The following RAD51B variants were observed in gnomAD, a reference collection of about 807,000 sequenced individuals.
RAD51B encodes the protein DNA repair protein RAD51 homolog 2.
A neutral mutation model predicts 42.2 loss-of-function variants in RAD51B; 38 were observed. That is an observed-to-expected ratio of 0.90 (90% CI 0.70 to 1.18). RAD51B has a LOEUF of 1.18. Ranked by LOEUF, RAD51B falls within the 50% of genes most tolerant of loss-of-function variation. The probability of loss-of-function intolerance (pLI) is 0.00; values close to 1 mark genes in which losing one functional copy is unlikely to be tolerated. For synonymous variants in RAD51B, 154 were observed against 145.2 expected (o/e 1.06, Z -0.43); for missense variants, 373 against 400.7 (o/e 0.93, Z 0.59).
chr14:68,539,698 A>G (rs1887848664), intron 10 of RAD51B, among the ~76,000 whole-genome samples: 1 of 152,246 alleles, frequency 6.6e-6, no homozygotes, highest in South Asian at 2.1e-4. Context: ...TGGCCCATGA[A>G]TGGGGCCATG....
chr14:67,823,606 A>C lies in RAD51B; in HGVS notation c.63A>C (p.Arg21Ser). 2.5e-6 allele frequency: 4 copies of C among 1,613,294 alleles called. No individual in the cohort carries two copies. Among genetic ancestry groups the C allele is most frequent in the Non-Finnish European group, 3.4e-6 (4 of 1,179,674 alleles). The change falls in exon 2 of 11, where the codon AGA (arginine) becomes AGC (serine). Residue 21 changes from arginine (R) to serine (S), a missense_variant. Coordinates refer to ENST00000471583, the MANE Select transcript of RAD51B (RefSeq NM_133510.4). ...LSQELCDRLSRHQILTCQDFL... is the reference protein window; with the variant it reads ...LSQELCDRLSSHQILTCQDFL... ...AAGAGCTGTGTGACCGTCTGAGTAG[A>C]CATCAGATCCTTACCTGTCAGGTAA...
At chr14:68,302,931 A>G (rs2081776337) in intron 8 of RAD51B, among the ~76,000 whole-genome samples, 4 of 152,208 alleles carry the variant, frequency 2.6e-5, no homozygotes, top group Admixed American at 2.6e-4. Flanking sequence ...TATGGCCATC[A>G]TGAACATGTC....
intron 7 of RAD51B, among the ~76,000 whole-genome samples, chr14:67,974,207 T>C (rs1203635900): frequency 6.6e-6 from 1 of 152,056 alleles, no homozygotes; most frequent in Non-Finnish European, 1.5e-5. Context: ...CCTTGACTAG[T>C]GTTCTAAGGT....
chr14:68,417,203 G>T (rs149642342), intron 9 of RAD51B, among the ~76,000 whole-genome samples: 1 of 152,102 alleles, frequency 6.6e-6, no homozygotes. Flanking sequence ...GTTCCAGGTC[G>T]CTGTACTTGT....
intron 7 of RAD51B, among the ~76,000 whole-genome samples, chr14:68,192,550 A>G (rs940129947): frequency 2.0e-5 from 3 of 152,174 alleles, no homozygotes; most frequent in South Asian, 2.1e-4. Context: ...TTGAATCTCA[A>G]TATCAGCCAT....
chr14:67,874,846 A>G (rs2042674300), intron 5 of RAD51B, among the ~76,000 whole-genome samples: 2 of 152,200 alleles, frequency 1.3e-5, no homozygotes, highest in Admixed American at 1.3e-4. Context: ...AACTGAATTA[A>G]CAATATATTG....
intron 7 of RAD51B, among the ~76,000 whole-genome samples, chr14:68,202,209 C>T (rs1379246162): frequency 6.6e-6 from 1 of 151,938 alleles, no homozygotes; most frequent in Non-Finnish European, 1.5e-5. Flanking sequence ...AATCTTTTTG[C>T]TGGTGGAGTG....
chr14:68,276,243 A>G (rs371572390), intron 7 of RAD51B, among the ~76,000 whole-genome samples: 4 of 152,182 alleles, frequency 2.6e-5, no homozygotes, highest in Non-Finnish European at 5.9e-5. Context: ...GACCTTCCAC[A>G]TAACTCTCAA....
At chr14:68,499,011 C>T (rs1884738141) in intron 10 of RAD51B, among the ~76,000 whole-genome samples, 1 of 152,112 alleles carries the variant, frequency 6.6e-6, no homozygotes, top group Non-Finnish European at 1.5e-5. Flanking sequence ...TAGAGGAGGC[C>T]TTTGAGAAAA....
intron 9 of RAD51B, among the ~76,000 whole-genome samples, chr14:68,437,012 T>G (rs2085163081): frequency 6.6e-6 from 1 of 152,186 alleles, no homozygotes; most frequent in African/African-American, 2.4e-5. Context: ...TATTATTTCT[T>G]TCTTTTGCCT....
chr14:68,638,630 C>T (rs1008510014), intron 10 of RAD51B, among the ~76,000 whole-genome samples: 1 of 151,790 alleles, frequency 6.6e-6, no homozygotes, highest in Non-Finnish European at 1.5e-5. Context: ...TGGGATCTGC[C>T]TGGCCCAGTC....
chr14:67,859,945 C>G (rs186274459), intron 4 of RAD51B, among the ~76,000 whole-genome samples: 1 of 152,020 alleles, frequency 6.6e-6, no homozygotes, highest in Non-Finnish European at 1.5e-5. Flanking sequence ...CTCAGCCTCC[C>G]GAGGAGCTGG....
At chr14:68,566,889 C>G (rs1037938301) in intron 10 of RAD51B, among the ~76,000 whole-genome samples, 2 of 152,152 alleles carry the variant, frequency 1.3e-5, no homozygotes, top group African/African-American at 4.8e-5. Context: ...ATTCTCTCTT[C>G]TACCAGCAAT....
At chr14:68,462,061 C>A (rs1417493710) in intron 9 of RAD51B, among the ~76,000 whole-genome samples, 1 of 152,144 alleles carries the variant, frequency 6.6e-6, no homozygotes, top group African/African-American at 2.4e-5. Context: ...ACAGAAAATG[C>A]CCCAGATCTG....
At chr14:68,437,786 G>A (rs2085182032) in intron 9 of RAD51B, among the ~76,000 whole-genome samples, 1 of 152,194 alleles carries the variant, frequency 6.6e-6, no homozygotes, top group Non-Finnish European at 1.5e-5. Flanking sequence ...TTGTGGAAGA[G>A]GACAGTGTAG....
chr14:68,271,718 G>A (rs1017505408), intron 7 of RAD51B, among the ~76,000 whole-genome samples: 2 of 152,154 alleles, frequency 1.3e-5, no homozygotes, highest in African/African-American at 2.4e-5. Context: ...CAGGATTAAA[G>A]GAGGTAATCT....
intron 10 of RAD51B, among the ~76,000 whole-genome samples, chr14:68,626,851 A>G (rs1892094666): frequency 6.6e-6 from 1 of 152,236 alleles, no homozygotes; most frequent in Non-Finnish European, 1.5e-5. Flanking sequence ...GAGGAGGGAA[A>G]GAACTAAAGG....
intron 10 of RAD51B, among the ~76,000 whole-genome samples, chr14:68,526,816 G>A (rs762377312): frequency 1.3e-5 from 2 of 152,170 alleles, no homozygotes; most frequent in South Asian, 2.1e-4. Flanking sequence ...TTAGGTCCCC[G>A]AAAGTGGTAA....
At chr14:67,830,634 A>G (rs1729701855) in intron 3 of RAD51B, among the ~76,000 whole-genome samples, 1 of 152,062 alleles carries the variant, frequency 6.6e-6, no homozygotes, top group African/African-American at 2.4e-5. Flanking sequence ...TGCTGGCCTC[A>G]AGCAATCCAC....
Sources: allele counts gnomAD v4.1 joint callset (sites outside exome capture counted in the v4.1 genomes callset), GRCh38; gene constraint gnomAD v4.1.1; transcripts MANE v1.5; gene names NCBI Gene and HGNC (gene_info 2026-07-23, HGNC 2026-07-21).